The following CKM variants were observed in gnomAD, a reference collection of about 807,000 sequenced individuals.
The protein encoded by CKM is creatine kinase, M-type.
Under a neutral mutation model 35.4 loss-of-function variants are expected in CKM, and 28 were observed. That is an observed-to-expected ratio of 0.79 (90% CI 0.59 to 1.08). The LOEUF (loss-of-function observed/expected upper bound fraction) is 1.08, where lower values mean the gene tolerates loss of function less well. CKM is among the 50% of genes least tolerant of loss of function. The pLI, the probability that CKM is intolerant of heterozygous loss-of-function variation, is 0.00. For synonymous variants in CKM, 215 were observed against 204.4 expected (o/e 1.05, Z -0.44); for missense variants, 484 against 509.8 (o/e 0.95, Z 0.49).
chr19:45,311,793 C>T lies in CKM; in HGVS notation c.609G>A (p.Leu203=), dbSNP rs1971112478. The change falls in exon 5 of 8, where the codon CTG becomes CTA. Residue 203 remains leucine, a synonymous_variant. Coordinates refer to ENST00000221476, the MANE Select transcript of CKM (RefSeq NM_001824.5). ...GCCAGTCGCGGGCCATGCCTGAGGC[C>T]AGCAGCAGCGGGGACACGGGCTTGT... The part of the protein sequence containing the change: ...LFDKPVSPLL[L]ASGMARDWPD... 3 of 1,606,646 alleles carry T rather than the reference C, an allele frequency of 1.9e-6. No homozygotes were observed. Among genetic ancestry groups the T allele is most frequent in the Non-Finnish European group, 1.7e-6 (2 of 1,176,636 alleles).
At chr19:45,320,988 C>T (rs1228898080) in intron 1 of CKM, among the ~76,000 whole-genome samples, 1 of 152,032 alleles carries the variant, frequency 6.6e-6, no homozygotes, top group East Asian at 1.9e-4. Context: ...GCAACCTCCA[C>T]CTCCCAGGTT....
chr19:45,310,117 T>TGTA (rs2123133136), intron 5 of CKM, among the ~76,000 whole-genome samples: 1 of 32,102 alleles, frequency 3.1e-5, no homozygotes, highest in Non-Finnish European at 7.7e-5. Flanking sequence ...CAGGCACTGC[T>TGTA]TTTTTTTTTT....
chr19:45,308,262 T>C (rs1312822411), intron 6 of CKM, 147 bp downstream of exon 6: 1 of 836,208 alleles, frequency 1.2e-6, no homozygotes, highest in African/African-American at 3.7e-5. Context: ...GGGCGGGGTT[T>C]GGCATGGGGT....
At chr19:45,309,966 C>T (rs1971091308) in intron 5 of CKM, among the ~76,000 whole-genome samples, 1 of 151,952 alleles carries the variant, frequency 6.6e-6, no homozygotes, top group South Asian at 2.1e-4. Flanking sequence ...ACCCAGGCTC[C>T]CTTCATCGAT....
At chr19:45,314,233 C>T (rs76876839) in intron 4 of CKM, among the ~76,000 whole-genome samples, 2,038 of 152,138 alleles carry the variant, frequency 0.013, 38 homozygotes, top group African/African-American at 0.046. Flanking sequence ...GAACGACAAC[C>T]GCCCTGATCA....
At chr19:45,310,305 A>G (rs1242420243) in intron 5 of CKM, among the ~76,000 whole-genome samples, 2 of 151,846 alleles carry the variant, frequency 1.3e-5, no homozygotes, top group Admixed American at 6.6e-5. Flanking sequence ...TATTTTTAGT[A>G]GAGACGGGGT....
intron 5 of CKM, 138 bp downstream of exon 5, chr19:45,311,611 G>T: frequency 1.4e-6 from 1 of 739,704 alleles, no homozygotes; most frequent in Non-Finnish European, 2.2e-6. Context: ...GGGGCGGAGG[G>T]CAAGATCATT....
chr19:45,311,757 ACGGG>A lies in CKM; in HGVS notation c.641_644del (p.Ala214ValfsTer15). 1 of 1,583,088 alleles carries A rather than the reference ACGGG, an allele frequency of 6.3e-7. No homozygotes were observed. Among genetic ancestry groups the A allele is most frequent in the African/African-American group, 1.3e-5 (1 of 74,800 alleles). Reference sequence around the variant, plus strand: ...GCGGGGAGGGGCCTCACCAGATGCCACGGGCGTCGGGCCAGTCGCGGGCCATGCC... The same window carrying A: ...GCGGGGAGGGGCCTCACCAGATGCCACGTCGGGCCAGTCGCGGGCCATGCC... On this transcript the variant is annotated frameshift_variant, in exon 5 of 8. Transcript: ENST00000221476. LOFTEE classifies it high-confidence loss of function.
intron 3 of CKM, among the ~76,000 whole-genome samples, chr19:45,316,044 CAG>C (rs1177169296): frequency 6.6e-6 from 1 of 151,674 alleles, no homozygotes; most frequent in East Asian, 1.9e-4. Flanking sequence ...TAAATAGAGA[CAG>C]GGGCTGGGCG....
intron 4 of CKM, among the ~76,000 whole-genome samples, chr19:45,312,667 T>C (rs1334106253): frequency 6.7e-6 from 1 of 150,360 alleles, no homozygotes; most frequent in African/African-American, 2.5e-5. Flanking sequence ...AAAAAAAAAA[T>C]TGTAGGCTGG....
chr19:45,310,115 G>GTTT (rs1971092297), intron 5 of CKM, among the ~76,000 whole-genome samples: 4 of 85,130 alleles, frequency 4.7e-5, no homozygotes, highest in Admixed American at 2.0e-4. Flanking sequence ...ACCAGGCACT[G>GTTT]CTTTTTTTTT....
chr19:45,317,820 C>G lies in CKM; in HGVS notation c.348+5G>C, dbSNP rs538759144. On this transcript the variant is annotated splice_donor_5th_base_variant and intron_variant, in intron 3 of 7. Transcript: ENST00000221476. ...TCGGCCCTCCCCTCCTGCGCAGACA[C>G]CGACCTTGAGGTTTTCATGGTTGAG... is the stretch of plus-strand genomic sequence containing the variant. 1 of 1,614,066 alleles carries G rather than the reference C, an allele frequency of 6.2e-7. No homozygotes were observed. Among genetic ancestry groups the G allele is most frequent in the South Asian group, 1.1e-5 (1 of 91,064 alleles).
At chr19:45,318,668 G>A (rs1011768470) in intron 2 of CKM, among the ~76,000 whole-genome samples, 4 of 152,126 alleles carry the variant, frequency 2.6e-5, no homozygotes, top group African/African-American at 9.7e-5. Context: ...AGAGGGTCAG[G>A]AGGGTAAGAG....
In CKM at chr19:45,319,623, C is replaced by T. The variant is rs1485329819; in HGVS notation, c.91G>A (p.Ala31Thr). The T allele has an allele frequency of 6.2e-7, 1 of 1,614,048 alleles. No homozygotes were observed. Among genetic ancestry groups the T allele is most frequent in the South Asian group, 1.1e-5 (1 of 91,080 alleles). The change falls in exon 2 of 8, where the codon GCC becomes ACC. Residue 31 changes from alanine to threonine, a missense_variant. Coordinates refer to ENST00000221476, the MANE Select transcript of CKM (RefSeq NM_001824.5). ...TAGAGTTCAAGGGTCAGTACCTTGG[C>T]CATGTGGTTGTTATGTTTGCTGAGG... Reference protein sequence around the residue: ...PDLSKHNNHMAKVLTLELYKK... With the variant: ...PDLSKHNNHMTKVLTLELYKK...
intron 2 of CKM, among the ~76,000 whole-genome samples, 187 bp downstream of exon 2, chr19:45,319,334 G>C (rs1255133410): frequency 6.6e-6 from 1 of 152,126 alleles, no homozygotes. Flanking sequence ...TTATTGCGTG[G>C]TTTGCTGAGT....
rs779882440 is a variant in CKM at position 45,307,591 on chromosome 19, G to A, written c.837C>T (p.Tyr279=). The A allele has an allele frequency of 5.0e-6, 8 of 1,614,176 alleles. No homozygotes were observed. The highest frequency in any genetic ancestry group is 3.3e-5 in the South Asian group (3 of 91,072). The part of the protein sequence containing the change: ...HPFMWNQHLG[Y]VLTCPSNLGT... ...CCAGGTTGGATGGGCAGGTGAGCAC[G>A]TAGCCCAGGTGCTGGTTCCACATGA... The change falls in exon 7 of 8, where the codon TAC becomes TAT. Residue 279 remains tyrosine (Y), a synonymous_variant. Coordinates refer to ENST00000221476, the MANE Select transcript of CKM (RefSeq NM_001824.5).
intron 5 of CKM, among the ~76,000 whole-genome samples, chr19:45,311,521 C>T (rs1219711340): frequency 6.6e-6 from 1 of 152,212 alleles, no homozygotes; most frequent in Non-Finnish European, 1.5e-5. Flanking sequence ...CCACCGTGCC[C>T]CGCCAAGTCT....
At chr19:45,318,863 CTTT>C (rs112676432) in intron 2 of CKM, among the ~76,000 whole-genome samples, 4 of 141,812 alleles carry the variant, frequency 2.8e-5, no homozygotes, top group Non-Finnish European at 3.1e-5. Context: ...CTGTCAGATT[CTTT>C]TTTTTTTTTT....
In CKM at chr19:45,311,938, G is replaced by A. The variant is rs755375396; in HGVS notation, c.482-18C>T. ...GTTGAGAGCTATGGGGACACACGAGGGAGTGGTCAGCAGCCTGTCCCACCT... is the reference window on the plus strand; with the variant it reads ...GTTGAGAGCTATGGGGACACACGAGAGAGTGGTCAGCAGCCTGTCCCACCT... On this transcript the variant is annotated intron_variant, in intron 4 of 7. Coordinates refer to ENST00000221476, the MANE Select transcript of CKM (RefSeq NM_001824.5). 33 of 1,613,196 alleles carry A rather than the reference G, an allele frequency of 2.0e-5. No homozygotes were observed. Among genetic ancestry groups the A allele is most frequent in the Non-Finnish European group, 2.7e-5 (32 of 1,179,846 alleles).
Sources: allele counts gnomAD v4.1 joint callset (sites outside exome capture counted in the v4.1 genomes callset), GRCh38; gene constraint gnomAD v4.1.1; transcripts MANE v1.5; gene names NCBI Gene and HGNC (gene_info 2026-07-23, HGNC 2026-07-21).